Variants in TTN observed in about 807,000 individuals in gnomAD.
The protein encoded by TTN is connectin.
Under a neutral mutation model 3,223.0 loss-of-function variants are expected in TTN, and 1,525 were observed. That is an observed-to-expected ratio of 0.47 (90% CI 0.45 to 0.49). The LOEUF (loss-of-function observed/expected upper bound fraction) is 0.49, where lower values mean the gene tolerates loss of function less well. Among genes scored for constraint, TTN ranks in the 20% least tolerant of loss-of-function variants. TTN has a pLI of 0.00. For missense variants in TTN, 40,786 were observed against 43,424.0 expected (o/e 0.94, Z 5.40); for synonymous variants, 14,094 against 15,161.0 (o/e 0.93, Z 5.17).
Position 178,554,712 on chromosome 2 carries a change from A to T in TTN, c.88635T>A (p.Thr29545=). Residue 29545 remains threonine, a synonymous_variant, in exon 332 of 363, where the codon ACT becomes ACA. Transcript: ENST00000589042. ...GAAGGGTGATCTTCTCAGCAGTTACAGTCTTAAATTCAATTGGTCCACCAG... is the reference window on the plus strand; with the variant it reads ...GAAGGGTGATCTTCTCAGCAGTTACTGTCTTAAATTCAATTGGTCCACCAG... ...GPPGGPIEFK[T]VTAEKITLLW... is the part of the protein sequence containing the mutation. 6.2e-7 allele frequency: 1 copy of T among 1,613,914 alleles called. No homozygotes were observed. Among genetic ancestry groups the T allele is most frequent in the Non-Finnish European group, 8.5e-7 (1 of 1,179,842 alleles).
chr2:178,698,363 TAA>T (rs137985998), intron 112 of TTN, among the ~76,000 whole-genome samples: 5,007 of 152,278 alleles, frequency 0.033, 124 homozygotes, highest in Admixed American at 0.058. Flanking sequence ...TCAAAATCGC[TAA>T]GAGTAAATTT....
chr2:178,788,111 G>A (rs532338212), intron 13 of TTN, among the ~76,000 whole-genome samples: 1 of 151,994 alleles, frequency 6.6e-6, no homozygotes, highest in Non-Finnish European at 1.5e-5. Flanking sequence ...AATTCACGAC[G>A]GATGAAAAGT....
intron 159 of TTN, among the ~76,000 whole-genome samples, chr2:178,668,872 A>ACC (rs574956800): frequency 2.8e-5 from 4 of 145,304 alleles, no homozygotes; most frequent in African/African-American, 1.0e-4. Context: ...TTTGTATGAA[A>ACC]CCCCCCCCCA....
At chr2:178,746,614 C>T (rs1383137608) in intron 47 of TTN, 4 of 1,613,200 alleles carry the variant, frequency 2.5e-6, no homozygotes, top group Non-Finnish European at 2.5e-6. Context: ...TCTTTGCTTC[C>T]CCTATGATGT....
rs1382066984 is a variant in TTN at position 178,706,573 on chromosome 2, C to T, written c.29301G>A (p.Gly9767=). The change falls in exon 102 of 363, where the codon GGG becomes GGA. Residue 9767 remains glycine, a synonymous_variant. Coordinates refer to ENST00000589042, the MANE Select transcript of TTN (RefSeq NM_001267550.2). ...EIRDTTKTDS[G]LYRCVAFNEH... The stretch of plus-strand genomic sequence containing the variant: ...CGTTAAATGCCACGCATCGGTATAA[C>T]CCAGAATCAGTTTTTGTGGTGTCCC... The T allele has an allele frequency of 3.1e-6, 5 of 1,613,890 alleles. No individual in the cohort carries two copies. The highest frequency in any genetic ancestry group is 1.1e-5 in the South Asian group (1 of 91,070).
Position 178,784,179 on chromosome 2 carries a change from GTAT to G in TTN, c.2663_2665del (p.Asp888_Thr889delinsAla). ...CTCAACGCCAGCTTCACTCTTGTAAGTATCTGGTGTGTCAGCGAAGGGGAACTG... is the reference window on the plus strand; with the variant it reads ...CTCAACGCCAGCTTCACTCTTGTAAGCTGGTGTGTCAGCGAAGGGGAACTG... On this transcript the variant is annotated inframe_deletion, in exon 16 of 363. Coordinates refer to ENST00000589042, the MANE Select transcript of TTN (RefSeq NM_001267550.2). 2 of 1,614,166 alleles carry G rather than the reference GTAT, an allele frequency of 1.2e-6. No individual in the cohort carries two copies. The highest frequency in any genetic ancestry group is 8.5e-7 in the Non-Finnish European group (1 of 1,180,010).
chr2:178,668,972 A>G (rs1056050945), intron 159 of TTN, among the ~76,000 whole-genome samples: 8 of 151,646 alleles, frequency 5.3e-5, no homozygotes, highest in African/African-American at 1.9e-4. Context: ...GTTTCCAATT[A>G]TGGTTATCAA....
chr2:178,756,774 A>G lies in TTN; in HGVS notation c.10702T>C (p.Ser3568Pro). 6.2e-7 allele frequency: 1 copy of G among 1,613,758 alleles called. No individual in the cohort carries two copies. Among genetic ancestry groups the G allele is most frequent in the Non-Finnish European group, 8.5e-7 (1 of 1,179,756 alleles). Reference sequence around the variant, plus strand: ...GTGGACTCTCTTACATCTTTCCCAGAACTTTGCCTATCTAGGGCTTGCACT... The same window carrying G: ...GTGGACTCTCTTACATCTTTCCCAGGACTTTGCCTATCTAGGGCTTGCACT... Reference protein sequence around the residue: ...PKVQALDRQSSGKDVRESTKS... With the variant: ...PKVQALDRQSPGKDVRESTKS... The change falls in exon 46 of 363, where the codon TCT (serine) becomes CCT (proline). Residue 3568 changes from serine (S) to proline (P), a missense_variant. By Grantham distance (74) the Ser-to-Pro change is moderately conservative. Coordinates refer to ENST00000589042, the MANE Select transcript of TTN (RefSeq NM_001267550.2).
rs753025017 is a variant in TTN at position 178,552,272 on chromosome 2, C to A, written c.90628G>T (p.Val30210Leu). The change falls in exon 335 of 363, where the codon GTG (valine) becomes TTG (leucine). Residue 30210 changes from valine (V) to leucine (L), a missense_variant. Physicochemically the swap from Val to Leu is conservative, Grantham distance 32. Coordinates refer to ENST00000589042, the MANE Select transcript of TTN (RefSeq NM_001267550.2). ...GTAATGGGGACTGCAATTCTACACA[C>A]TGCATTATCAAGAATAACAGTGTAT... Reference protein sequence around the residue: ...GKYTVILDNAVCRIAVPITVI... With the variant: ...GKYTVILDNALCRIAVPITVI... 3 of 1,613,574 alleles carry A rather than the reference C, an allele frequency of 1.9e-6. No individual in the cohort carries two copies. Among genetic ancestry groups the A allele is most frequent in the Non-Finnish European group, 2.5e-6 (3 of 1,179,692 alleles).
intron 47 of TTN, chr2:178,748,406 C>G: frequency 6.2e-7 from 1 of 1,613,200 alleles, no homozygotes; most frequent in Non-Finnish European, 8.5e-7. Flanking sequence ...ATTTTGCACA[C>G]TTTTAGAGAT....
At chr2:178,750,528 C>T in intron 47 of TTN, 2 of 1,612,614 alleles carry the variant, frequency 1.2e-6, no homozygotes, top group Non-Finnish European at 1.7e-6. Context: ...CAACTGTCAC[C>T]TTCATAAACT....
chr2:178,714,239 G>T, intron 91 of TTN, 53 bp downstream of exon 91: 1 of 1,593,876 alleles, frequency 6.3e-7, no homozygotes, highest in Non-Finnish European at 8.5e-7. Context: ...AGAAAATACA[G>T]ATCCTGGTGA....
rs753410959 is a variant in TTN, at chr2:178,556,889, G to A, written c.88265C>T (p.Pro29422Leu). 14 of 1,613,664 alleles carry A rather than the reference G, an allele frequency of 8.7e-6. 1 individual carries two copies. Among genetic ancestry groups the A allele is most frequent in the South Asian group, 2.2e-5 (2 of 91,086 alleles). The change falls in exon 330 of 363, where the codon CCA (proline) becomes CTA (leucine). Residue 29422 changes from proline to leucine, a missense_variant. Pro to Leu is a moderately conservative substitution (Grantham distance 98, BLOSUM62 -3). Transcript: ENST00000589042. ...ARNAVGSISN[P>L]SEVVGPITCI... is the part of the protein sequence containing the mutation. Reference sequence around the variant, plus strand: ...AGTAATGGGCCCTACAACCTCAGATGGATTGCTAATGGAACCAACAGCATT... The same window carrying A: ...AGTAATGGGCCCTACAACCTCAGATAGATTGCTAATGGAACCAACAGCATT...
intron 121 of TTN, among the ~76,000 whole-genome samples, chr2:178,690,504 CT>C (rs1220533262): frequency 6.6e-6 from 1 of 151,026 alleles, no homozygotes; most frequent in East Asian, 1.9e-4. Context: ...TGTATTTGTG[CT>C]TTTTTTTTCT....
At chr2:178,761,523 ATGT>A (rs2089195368) in intron 43 of TTN, among the ~76,000 whole-genome samples, 1 of 152,108 alleles carries the variant, frequency 6.6e-6, no homozygotes, top group Admixed American at 6.5e-5. Flanking sequence ...TGACTTGGAG[ATGT>A]TGTTTTCTCA....
Position 178,568,782 on chromosome 2 carries a change from A to G in TTN, c.77350T>C (p.Ser25784Pro), listed in dbSNP as rs1383491099. 1 of 1,612,998 alleles carries G rather than the reference A, an allele frequency of 6.2e-7. No homozygotes were observed. Among genetic ancestry groups the G allele is most frequent in the East Asian group, 2.2e-5 (1 of 44,750 alleles). ...TTGGCAACTATTGGAACTGCAAGGG[A>G]CCGAGGATCACTTCTCCCCTTTTCA... ...VNEKGRSDPR[S>P]LAVPIVAKDL... is the part of the protein sequence containing the mutation. The change falls in exon 326 of 363, where the codon TCC becomes CCC. Residue 25784 changes from serine to proline, a missense_variant. Physicochemically the swap from Ser to Pro is moderately conservative, Grantham distance 74 (BLOSUM62 -1). Transcript: ENST00000589042.
Position 178,633,639 on chromosome 2 carries a change from T to C in TTN, c.42720A>G (p.Lys14240=). 1 of 1,612,960 alleles carries C rather than the reference T, an allele frequency of 6.2e-7. No homozygotes were observed. Among genetic ancestry groups the C allele is most frequent in the Non-Finnish European group, 8.5e-7 (1 of 1,179,488 alleles). The change falls in exon 232 of 363, where the codon AAA becomes AAG. Residue 14240 remains lysine (K), a synonymous_variant. Transcript: ENST00000589042. ...DPYFTVKLHD[K]TAVEKDEITL... ...TAATCTCATCCTTCTCCACTGCAGTTTTGTCATGTAATTTCACAGTGAAGT... is the reference window on the plus strand; with the variant it reads ...TAATCTCATCCTTCTCCACTGCAGTCTTGTCATGTAATTTCACAGTGAAGT...
In TTN at chr2:178,597,917, C is replaced by T; in HGVS notation, c.57253G>A (p.Asp19085Asn). ...AAGGATTGATAATTACCAAGTCTGT[C>T]CTTCATTTCAATGACATCTGTGACC... ...GEVTDVIEMKDRLVSPDLQLD... is the reference protein window; with the variant it reads ...GEVTDVIEMKNRLVSPDLQLD... The change falls in exon 293 of 363, where the codon GAC becomes AAC. Residue 19085 changes from aspartate (D) to asparagine (N), a missense_variant. Physicochemically the swap from Asp to Asn is conservative, Grantham distance 23 (BLOSUM62 1). Coordinates refer to ENST00000589042, the MANE Select transcript of TTN (RefSeq NM_001267550.2). The T allele has an allele frequency of 6.2e-7, 1 of 1,613,240 alleles. No homozygotes were observed. The highest frequency in any genetic ancestry group is 8.5e-7 in the Non-Finnish European group (1 of 1,179,552).
chr2:178,721,887 A>T lies in TTN; in HGVS notation c.22776T>A (p.Asp7592Glu). ...SGQYTCQATN[D>E]VGKDMCSAQL... ...GAGCTGAGCACATGTCTTTGCCAAC[A>T]TCATTGGTTGCTTGGCAAGTATATT... The change falls in exon 78 of 363, where the codon GAT becomes GAA. Residue 7592 changes from aspartate (D) to glutamate (E), a missense_variant. By Grantham distance (45) the Asp-to-Glu change is conservative (BLOSUM62 2). Coordinates refer to ENST00000589042, the MANE Select transcript of TTN (RefSeq NM_001267550.2). The T allele has an allele frequency of 6.2e-7, 1 of 1,613,036 alleles. No individual in the cohort carries two copies. Among genetic ancestry groups the T allele is most frequent in the East Asian group, 2.2e-5 (1 of 44,858 alleles).
Sources: gnomAD v4.1 joint callset for allele counts (sites outside exome capture counted in the v4.1 genomes callset) on GRCh38, gnomAD v4.1.1 for gene constraint, MANE v1.5 for transcripts, NCBI Gene and HGNC (gene_info 2026-07-23, HGNC 2026-07-21) for gene names.